KLF7: variants seen among roughly 807,000 people sequenced by gnomAD.
KLF7 encodes the protein KLF transcription factor 7.
In KLF7, 2 loss-of-function variants were observed where a neutral mutation model predicts 27.3. The ratio of observed to expected loss-of-function variants is 0.07; its 90% CI spans 0.03 to 0.23. The LOEUF is 0.23. Among genes scored for constraint, KLF7 ranks in the 10% least tolerant of loss-of-function variants. The probability of loss-of-function intolerance (pLI) is 1.00; values close to 1 mark genes in which losing one functional copy is unlikely to be tolerated. For synonymous variants in KLF7, 165 were observed against 162.4 expected, an observed-to-expected ratio of 1.02 and a Z score of -0.12; for missense variants, 221 against 394.1, an observed-to-expected ratio of 0.56 and a Z score of 3.72.
At chr2:207,101,553 AG>A (rs2076765778) in intron 2 of KLF7, among the ~76,000 whole-genome samples, 2 of 152,196 alleles carry the variant, frequency 1.3e-5, no homozygotes, top group African/African-American at 2.4e-5. Context: ...CCTGAGGTCA[AG>A]GGTAAGTATG....
In KLF7 at chr2:207,082,627, A is replaced by AT. The variant is rs746141841; in HGVS notation, c.858-1364dup. On this transcript the variant is annotated intron_variant, in intron 3 of 3. Coordinates refer to ENST00000309446, the MANE Select transcript of KLF7 (RefSeq NM_003709.4). ...GAAGTCAGCCTACATGACAGCAGTC[A>AT]TTCTGAGCTCTGAGTGTATGCTCTC... Among the ~76,000 whole-genome samples the AT allele has an allele frequency of 1.3e-3, 194 of 152,312 alleles. 3 individuals are homozygous for AT. The Middle Eastern group carries it at 0.02, about 16-fold the overall frequency.
chr2:207,106,014 A>T (rs2076875351), intron 2 of KLF7, among the ~76,000 whole-genome samples: 1 of 152,252 alleles, frequency 6.6e-6, no homozygotes, highest in African/African-American at 2.4e-5. Flanking sequence ...TGTTGAAATG[A>T]GAATGTTTTG....
intron 1 of KLF7, among the ~76,000 whole-genome samples, chr2:207,163,853 A>G (rs537286983): frequency 6.6e-6 from 1 of 152,374 alleles, no homozygotes; most frequent in South Asian, 2.1e-4. Context: ...TTTAATTAGC[A>G]TTGGAAATAA....
At chr2:207,090,583 G>A (rs921117297) in intron 2 of KLF7, among the ~76,000 whole-genome samples, 3 of 152,214 alleles carry the variant, frequency 2.0e-5, no homozygotes, top group African/African-American at 7.2e-5. Flanking sequence ...TTACTAGGAA[G>A]ACAGGCCCTG....
intron 1 of KLF7, among the ~76,000 whole-genome samples, chr2:207,132,457 T>C (rs1010265764): frequency 2.6e-5 from 4 of 152,236 alleles, no homozygotes; most frequent in African/African-American, 9.6e-5. Flanking sequence ...ACCTCTTCCA[T>C]GTTTCTCTTC....
At chr2:207,153,561 T>C (rs374248204) in intron 1 of KLF7, among the ~76,000 whole-genome samples, 1 of 152,206 alleles carries the variant, frequency 6.6e-6, no homozygotes, top group Non-Finnish European at 1.5e-5. Flanking sequence ...AGTTTCCTTC[T>C]AGATGCTTCT....
At chr2:207,167,004 G>C (rs2078735547), upstream of KLF7, 2 of 862,412 alleles carry the variant, frequency 2.3e-6, no homozygotes, top group Admixed American at 9.1e-5. Flanking sequence ...CTGGTCGGGA[G>C]TCCGGCGGCT....
At chr2:207,151,723 T>TACACACACAC (rs72289250) in intron 1 of KLF7, among the ~76,000 whole-genome samples, 1 of 149,852 alleles carries the variant, frequency 6.7e-6, no homozygotes, top group Non-Finnish European at 1.5e-5. Context: ...TGAAAAATTT[T>TACACACACAC]ACACACACAC....
chr2:207,146,144 G>A (rs190091417), intron 1 of KLF7, among the ~76,000 whole-genome samples: 1 of 152,326 alleles, frequency 6.6e-6, no homozygotes, highest in African/African-American at 2.4e-5. Context: ...CAAGTGGACA[G>A]GTGAATACAT....
intron 1 of KLF7, chr2:207,148,951 G>T: frequency 1.1e-6 from 1 of 943,728 alleles, no homozygotes; most frequent in Non-Finnish European, 1.3e-6. Context: ...AATTCTTGGT[G>T]CCCTTAATAT....
At position 207,157,103 on chromosome 2, in the gene KLF7, T is replaced by C. The variant is rs115959103; in HGVS notation, c.102+8364A>G. On this transcript the variant is annotated intron_variant, in intron 1 of 3. Coordinates refer to ENST00000309446, the MANE Select transcript of KLF7 (RefSeq NM_003709.4). ...TCAAATAACTATCGAGTGCCCACAG[T>C]GTGCAAAGCTTTCTAAGAAGCAGGT... Among the ~76,000 whole-genome samples, 1,097 of 151,532 alleles carry C rather than the reference T, an allele frequency of 7.2e-3. 10 individuals carry two copies. Among genetic ancestry groups the C allele is most frequent in the African/African-American group, 0.026 (1,058 of 41,302 alleles).
intron 2 of KLF7, among the ~76,000 whole-genome samples, chr2:207,103,324 C>G (rs1235587862): frequency 1.3e-5 from 2 of 152,126 alleles, no homozygotes; most frequent in Non-Finnish European, 2.9e-5. Context: ...CTGGTGGCAG[C>G]CATCTTGAAT....
intron 1 of KLF7, among the ~76,000 whole-genome samples, chr2:207,146,810 T>C (rs992228263): frequency 1.3e-5 from 2 of 152,160 alleles, no homozygotes; most frequent in Non-Finnish European, 2.9e-5. Context: ...CCTGGAGGGC[T>C]TTACTCTGCC....
rs903538879 is a variant in KLF7, at chr2:207,147,341, C to G, written c.102+18126G>C. Among the ~76,000 whole-genome samples, 7 of 152,092 alleles carry G rather than the reference C, an allele frequency of 4.6e-5. No individual in the cohort carries two copies. The East Asian group carries it at 1.3e-3, about 29-fold the overall frequency. Reference sequence around the variant, plus strand: ...AAAAGCAATGATCATATATGAAGGTCAAAAACATTGAAACAGAACAGAAAA... The same window carrying G: ...AAAAGCAATGATCATATATGAAGGTGAAAAACATTGAAACAGAACAGAAAA... On this transcript the variant is annotated intron_variant, in intron 1 of 3. Coordinates refer to ENST00000309446, the MANE Select transcript of KLF7 (RefSeq NM_003709.4).
intron 2 of KLF7, among the ~76,000 whole-genome samples, chr2:207,103,161 C>T (rs1165359581): frequency 1.3e-5 from 2 of 152,230 alleles, no homozygotes; most frequent in African/African-American, 2.4e-5. Context: ...CTCCTGACCT[C>T]AGGTGATCCA....
At chr2:207,151,088 TTA>T (rs1386890263) in intron 1 of KLF7, among the ~76,000 whole-genome samples, 4 of 149,984 alleles carry the variant, frequency 2.7e-5, no homozygotes, top group African/African-American at 9.8e-5. Context: ...TAGAGAGGCG[TTA>T]AAGACATGGC....
At chr2:207,113,611 G>GT (rs1261933717) in intron 2 of KLF7, among the ~76,000 whole-genome samples, 1 of 132,128 alleles carries the variant, frequency 7.6e-6, no homozygotes, top group East Asian at 2.4e-4. Flanking sequence ...GGGGGGTGGG[G>GT]GGGGGGGGGA....
In KLF7 at chr2:207,079,088, TG is replaced by T. The variant is rs1161795399; in HGVS notation, c.*2124del. 2.6e-3 allele frequency: 395 copies of T among 151,944 alleles called. 2 individuals are homozygous for T. The highest frequency in any genetic ancestry group is 9.0e-3 in the African/African-American group (374 of 41,404). 9.4% of individuals were successfully genotyped at this position (151,944 alleles called of 1,614,324 possible). A position where few individuals can be genotyped will look rare whatever the true frequency, so the allele number is the denominator to read the frequency against. ...TTGTTTTTTTTTTTGTTTTTGTTTT[TG>T]TTTTTTTTGGTCTAAATAGAAAAAA... is the stretch of plus-strand genomic sequence containing the variant. On this transcript the variant is annotated 3_prime_UTR_variant, in exon 4 of 4. Transcript: ENST00000309446.
intron 2 of KLF7, among the ~76,000 whole-genome samples, chr2:207,090,933 G>A (rs149263602): frequency 6.6e-6 from 1 of 152,160 alleles, no homozygotes; most frequent in Admixed American, 6.5e-5. Context: ...AATTCAAAAC[G>A]CCCTCCACCC....
Sources: allele counts gnomAD v4.1 joint callset (sites outside exome capture counted in the v4.1 genomes callset), GRCh38; gene constraint gnomAD v4.1.1; transcripts MANE v1.5; gene names NCBI Gene and HGNC (gene_info 2026-07-23, HGNC 2026-07-21).